Variants in AKAP13 observed in about 807,000 individuals in gnomAD.
The protein encoded by AKAP13 is A-kinase anchoring protein 13.
In AKAP13, 80 loss-of-function variants were observed where a neutral mutation model predicts 264.5. The ratio of observed to expected loss-of-function variants is 0.30; its 90% confidence interval spans 0.25 to 0.36. The LOEUF (loss-of-function observed/expected upper bound fraction) is 0.36, where lower values mean the gene tolerates loss of function less well. Among genes scored for constraint, AKAP13 ranks in the 10% least tolerant of loss-of-function variants. The probability of loss-of-function intolerance (pLI) is 1.00; values close to 1 mark genes in which losing one functional copy is unlikely to be tolerated. For missense variants in AKAP13, 3,712 were observed against 3,435.2 expected, an observed-to-expected ratio of 1.08 and a Z score of -2.01; for synonymous variants, 1,380 against 1,250.2, an observed-to-expected ratio of 1.10 and a Z score of -2.19.
At chr15:85,512,704 G>T (rs890782295) in intron 2 of AKAP13, among the ~76,000 whole-genome samples, 6 of 152,160 alleles carry the variant, frequency 3.9e-5, no homozygotes, top group Non-Finnish European at 7.3e-5. Flanking sequence ...TATTTGCAAA[G>T]CACCTCAGTC....
At chr15:85,387,048 G>C (rs180819047) in intron 1 of AKAP13, among the ~76,000 whole-genome samples, 1 of 151,628 alleles carries the variant, frequency 6.6e-6, no homozygotes, top group African/African-American at 2.4e-5. Context: ...TTTAAGATGA[G>C]GTCTCAGCCG....
At chr15:85,726,941 G>T (rs2087654149) in intron 27 of AKAP13, 125 bp from the exon 28 acceptor site, 3 of 984,532 alleles carry the variant, frequency 3.0e-6, no homozygotes, top group Non-Finnish European at 3.0e-6. Flanking sequence ...TTATCCTAAA[G>T]TAGCCCTTGT....
In AKAP13 at chr15:85,718,220, G is replaced by A. The variant is rs1169020300; in HGVS notation, c.6001+61G>A. On this transcript the variant is annotated intron_variant, in intron 22 of 36. Transcript: ENST00000394518. The surrounding 1 kb of genome is among the most constrained non-coding windows in gnomAD (Gnocchi z 4.9). ...TTCCATTGTCCAGCATTTTTAAGCA[G>A]TAATTTGTTGGACTATGAAAAATCA... The A allele has an allele frequency of 6.3e-6, 10 of 1,576,700 alleles. No individual in the cohort carries two copies. The South Asian group carries it at 1.0e-4, about 16-fold the overall frequency.
At chr15:85,583,792 A>G (rs925139097) in intron 7 of AKAP13, among the ~76,000 whole-genome samples, 4 of 152,230 alleles carry the variant, frequency 2.6e-5, no homozygotes, top group African/African-American at 9.6e-5. Flanking sequence ...TAGCACATAT[A>G]GTAAAGATGG....
chr15:85,437,223 A>G (rs1471584060), intron 1 of AKAP13, among the ~76,000 whole-genome samples: 2 of 149,764 alleles, frequency 1.3e-5, no homozygotes, highest in African/African-American at 2.4e-5. Flanking sequence ...AATCTAGAAG[A>G]AATGGATAAA....
Position 85,638,369 on chromosome 15 carries a change from A to G in AKAP13, c.4162-1005A>G, listed in dbSNP as rs187777919. Among the ~76,000 whole-genome samples, 18 of 152,274 alleles carry G rather than the reference A, an allele frequency of 1.2e-4. No homozygotes were observed. In the East Asian group the frequency reaches 3.1e-3, roughly 26 times the overall value. ...TTTGAGGTTTGTTTTATGTGATACAATATGAACATTTGTTTTATTTGAGGT... is the reference window on the plus strand; with the variant it reads ...TTTGAGGTTTGTTTTATGTGATACAGTATGAACATTTGTTTTATTTGAGGT... On this transcript the variant is annotated intron_variant, in intron 8 of 36. Coordinates refer to ENST00000394518, the MANE Select transcript of AKAP13 (RefSeq NM_007200.5).
intron 1 of AKAP13, among the ~76,000 whole-genome samples, chr15:85,389,342 G>A (rs2070741929): frequency 6.6e-6 from 1 of 152,158 alleles, no homozygotes; most frequent in South Asian, 2.1e-4. Context: ...TTGCACCATG[G>A]TCTAGAAGGT....
chr15:85,582,210 C>A, intron 7 of AKAP13, 103 bp downstream of exon 7: 3 of 1,296,130 alleles, frequency 2.3e-6, no homozygotes, highest in Non-Finnish European at 3.1e-6. Context: ...TGTTTTGAGG[C>A]CTTGCACTCA....
intron 1 of AKAP13, among the ~76,000 whole-genome samples, chr15:85,403,148 A>C (rs924285379): frequency 2.0e-5 from 3 of 152,230 alleles, no homozygotes; most frequent in African/African-American, 7.2e-5. Context: ...AGAATGAAAT[A>C]AGCTATGTTT....
intron 9 of AKAP13, among the ~76,000 whole-genome samples, chr15:85,641,150 A>G (rs888973277): frequency 6.6e-6 from 1 of 152,074 alleles, no homozygotes; most frequent in African/African-American, 2.4e-5. Context: ...TAGACCAAAT[A>G]AGATATTGTC....
rs1159148905 is a variant in AKAP13, at chr15:85,748,496, TCAGAGA to T, written c.*3822_*3827del. 1 of 152,250 alleles carries T rather than the reference TCAGAGA, an allele frequency of 6.6e-6. No homozygotes were observed. The highest frequency in any genetic ancestry group is 1.5e-5 in the Non-Finnish European group (1 of 68,076). 9.4% of individuals were successfully genotyped at this position (152,250 alleles called of 1,614,324 possible). A position where few individuals can be genotyped will look rare whatever the true frequency, so the allele number is the denominator to read the frequency against. On this transcript the variant is annotated 3_prime_UTR_variant, in exon 37 of 37. Coordinates refer to ENST00000394518, the MANE Select transcript of AKAP13 (RefSeq NM_007200.5). ...CCAGCCCCGTCGCTCTCGTCCATCC[TCAGAGA>T]CAAAGAAGAGGGCAGGGAGTTTGGG...
rs376081804 is a variant in AKAP13 at position 85,450,967 on chromosome 15, C to A, written c.-11-34743C>A. On this transcript the variant is annotated intron_variant, in intron 1 of 36. Transcript: ENST00000394518. ...GTCAGTGGAGTGTTGAAGTCTCCCA[C>A]TATTATTGTGTGGGGAGTCCATGTC... Among the ~76,000 whole-genome samples the A allele has an allele frequency of 1.4e-4, 21 of 152,244 alleles. No homozygotes were observed. In the East Asian group the frequency reaches 3.5e-3, roughly 25 times the overall value.
intron 1 of AKAP13, among the ~76,000 whole-genome samples, chr15:85,423,077 A>G (rs540003051): frequency 6.6e-6 from 1 of 152,354 alleles, no homozygotes; most frequent in Admixed American, 6.5e-5. Context: ...AATGCTAACA[A>G]TCATGTGAAC....
chr15:85,534,080 G>A (rs545614075), intron 4 of AKAP13, 200 bp downstream of exon 4: 8 of 558,388 alleles, frequency 1.4e-5, no homozygotes, highest in Non-Finnish European at 2.4e-5. Flanking sequence ...TTGTTGCAGC[G>A]AAATGACCCT....
intron 12 of AKAP13, among the ~76,000 whole-genome samples, chr15:85,661,273 T>A (rs1289376047): frequency 6.6e-6 from 1 of 152,180 alleles, no homozygotes; most frequent in Non-Finnish European, 1.5e-5. Context: ...AGATTTTCTG[T>A]CCTTGCTACT....
intron 30 of AKAP13, among the ~76,000 whole-genome samples, chr15:85,732,080 C>CAAAA (rs34426976): frequency 1.7e-5 from 2 of 114,568 alleles, no homozygotes; most frequent in African/African-American, 3.2e-5. Context: ...GAGACTATCT[C>CAAAA]AAAAAAAAAA....
chr15:85,667,520 G>GA (rs1170862680), intron 13 of AKAP13, among the ~76,000 whole-genome samples: 1 of 152,106 alleles, frequency 6.6e-6, no homozygotes, highest in Admixed American at 6.6e-5. Context: ...AATAAACAGT[G>GA]AAAAAATCTT....
intron 17 of AKAP13, among the ~76,000 whole-genome samples, chr15:85,694,994 G>A (rs1480440146): frequency 1.3e-5 from 2 of 151,160 alleles, no homozygotes; most frequent in Non-Finnish European, 2.9e-5. Flanking sequence ...GGTCTCACTA[G>A]TTGCCCAGGC....
chr15:85,641,282 C>T (rs1255977082), intron 9 of AKAP13, among the ~76,000 whole-genome samples: 1 of 151,196 alleles, frequency 6.6e-6, no homozygotes, highest in East Asian at 2.0e-4. Context: ...CCCATCTCTA[C>T]TAAAAATACA....
Sources: allele counts gnomAD v4.1 joint callset (sites outside exome capture counted in the v4.1 genomes callset), GRCh38; gene constraint gnomAD v4.1.1; non-coding constraint Gnocchi (gnomAD v3.1); transcripts MANE v1.5; gene names NCBI Gene and HGNC (gene_info 2026-07-23, HGNC 2026-07-21).